Variants in CA10 observed in about 807,000 individuals in gnomAD.
CA10 encodes carbonic anhydrase 10 (inactive).
A neutral mutation model predicts 44.2 loss-of-function variants in CA10; 14 were observed. The ratio of observed to expected loss-of-function variants is 0.32; its 90% CI spans 0.21 to 0.50. CA10 has a LOEUF of 0.50. Ranked by LOEUF, CA10 falls within the 20% of genes least tolerant of loss-of-function variation. CA10 has a pLI of 0.99. For missense variants in CA10, 350 were observed against 409.7 expected, an observed-to-expected ratio of 0.85 and a Z score of 1.26; for synonymous variants, 159 against 141.6, an observed-to-expected ratio of 1.12 and a Z score of -0.87.
chr17:51,854,013 A>G (rs1441612424), intron 3 of CA10, among the ~76,000 whole-genome samples: 1 of 152,192 alleles, frequency 6.6e-6, no homozygotes, highest in Non-Finnish European at 1.5e-5. Context: ...GTGACCTGTT[A>G]TACAGGCATG....
At chr17:51,642,935 G>C (rs540336311) in intron 6 of CA10, among the ~76,000 whole-genome samples, 3 of 152,120 alleles carry the variant, frequency 2.0e-5, no homozygotes, top group African/African-American at 7.2e-5. Flanking sequence ...GAGTCAACAC[G>C]CCCAGCCACC....
intron 2 of CA10, among the ~76,000 whole-genome samples, chr17:51,977,636 C>T (rs1351103181): frequency 6.6e-6 from 1 of 151,946 alleles, no homozygotes; most frequent in Non-Finnish European, 1.5e-5. Flanking sequence ...GAAAAAGACA[C>T]AGATGTATAT....
At chr17:51,883,567 C>T (rs1056993609) in intron 3 of CA10, among the ~76,000 whole-genome samples, 3 of 152,160 alleles carry the variant, frequency 2.0e-5, no homozygotes, top group Non-Finnish European at 2.9e-5. Flanking sequence ...CTTTACCATA[C>T]TTGACCCATG....
At chr17:51,947,224 C>CAAAAAAAAAAAA (rs1198796736) in intron 2 of CA10, among the ~76,000 whole-genome samples, 2 of 52,116 alleles carry the variant, frequency 3.8e-5, no homozygotes, top group African/African-American at 7.4e-5. Context: ...TCTTCATGTG[C>CAAAAAAAAAAAA]AAAAAAAAAA....
At chr17:52,126,069 G>A (rs1446533792) in intron 1 of CA10, among the ~76,000 whole-genome samples, 4 of 152,102 alleles carry the variant, frequency 2.6e-5, no homozygotes, top group Admixed American at 2.6e-4. Context: ...AGTTAGACCA[G>A]ATTAAAAAAA....
At chr17:51,754,700 A>G (rs1905025210) in intron 3 of CA10, among the ~76,000 whole-genome samples, 1 of 151,746 alleles carries the variant, frequency 6.6e-6, no homozygotes, top group Non-Finnish European at 1.5e-5. Context: ...TGTTTATCTC[A>G]TCCATAGACA....
chr17:52,106,133 T>C (rs1988656995), intron 1 of CA10, among the ~76,000 whole-genome samples: 1 of 152,152 alleles, frequency 6.6e-6, no homozygotes, highest in South Asian at 2.1e-4. Flanking sequence ...GCATCACGGG[T>C]TTAAGGAAAG....
At chr17:51,709,459 G>A (rs1915863947) in intron 4 of CA10, among the ~76,000 whole-genome samples, 1 of 152,190 alleles carries the variant, frequency 6.6e-6, no homozygotes, top group African/African-American at 2.4e-5. Flanking sequence ...GGAGGACCCA[G>A]CCACATGAAG....
At chr17:51,717,185 G>C (rs894803735) in intron 4 of CA10, among the ~76,000 whole-genome samples, 3 of 152,052 alleles carry the variant, frequency 2.0e-5, no homozygotes, top group Non-Finnish European at 4.4e-5. Context: ...GAATACCCCT[G>C]TAGACAGAGG....
chr17:51,788,475 C>T (rs924099977), intron 3 of CA10, among the ~76,000 whole-genome samples: 3 of 152,154 alleles, frequency 2.0e-5, no homozygotes, highest in Admixed American at 6.5e-5. Context: ...CTTTCTGTGC[C>T]TAGCTTATTT....
At chr17:51,826,266 T>C (rs1272113286) in intron 3 of CA10, among the ~76,000 whole-genome samples, 2 of 152,202 alleles carry the variant, frequency 1.3e-5, no homozygotes, top group Admixed American at 6.5e-5. Flanking sequence ...GAGATGACCC[T>C]TCTGGGACAC....
At chr17:51,676,793 C>T (rs187259000) in intron 4 of CA10, among the ~76,000 whole-genome samples, 28 of 152,328 alleles carry the variant, frequency 1.8e-4, no homozygotes, top group Admixed American at 7.2e-4. Context: ...AGAGTCACCT[C>T]GGTTCCATAT....
intron 4 of CA10, among the ~76,000 whole-genome samples, chr17:51,709,164 C>A (rs1322049031): frequency 1.3e-5 from 2 of 152,226 alleles, no homozygotes; most frequent in Non-Finnish European, 2.9e-5. Flanking sequence ...TTTACTTGCT[C>A]ATCTAGCAAA....
intron 4 of CA10, among the ~76,000 whole-genome samples, chr17:51,732,509 G>T (rs1201863440): frequency 6.6e-6 from 1 of 152,150 alleles, no homozygotes; most frequent in African/African-American, 2.4e-5. Context: ...TGTGAATTTT[G>T]TCAGGCTGAT....
chr17:51,765,123 G>A (rs1318636082), intron 3 of CA10, among the ~76,000 whole-genome samples: 5 of 152,086 alleles, frequency 3.3e-5, no homozygotes, highest in African/African-American at 1.2e-4. Flanking sequence ...GTATCTGGTT[G>A]CAATAAAGCA....
intron 3 of CA10, among the ~76,000 whole-genome samples, chr17:51,863,159 T>G (rs986681358): frequency 2.0e-5 from 3 of 152,194 alleles, no homozygotes; most frequent in African/African-American, 7.2e-5. Flanking sequence ...CAACAAACAG[T>G]AAGCATGTTT....
intron 3 of CA10, among the ~76,000 whole-genome samples, chr17:51,858,807 G>A (rs1364130418): frequency 6.6e-6 from 1 of 152,086 alleles, no homozygotes; most frequent in East Asian, 1.9e-4. Context: ...GGTAGTTAAG[G>A]ACAACCTTAA....
At chr17:51,898,933 CTTCT>C (rs1981192002) in intron 3 of CA10, among the ~76,000 whole-genome samples, 1 of 123,332 alleles carries the variant, frequency 8.1e-6, no homozygotes. Flanking sequence ...TTATTTAGAT[CTTCT>C]TTTTTTTCTT....
At chr17:51,851,551 T>C in intron 3 of CA10, among the ~76,000 whole-genome samples, 1 of 152,186 alleles carries the variant, frequency 6.6e-6, no homozygotes, top group East Asian at 1.9e-4. Flanking sequence ...AGAAATATTT[T>C]ATTGTTATTT....
Sources: allele counts gnomAD v4.1 joint callset (sites outside exome capture counted in the v4.1 genomes callset), GRCh38; gene constraint gnomAD v4.1.1; transcripts MANE v1.5; gene names NCBI Gene and HGNC (gene_info 2026-07-23, HGNC 2026-07-21).